Variants in TRIM34 observed in about 807,000 individuals in gnomAD.
TRIM34 encodes the protein tripartite motif containing 34.
A neutral mutation model predicts 38.1 loss-of-function variants in TRIM34; 41 were observed. The ratio of observed to expected loss-of-function variants is 1.08; its 90% confidence interval spans 0.84 to 1.40. TRIM34 has a LOEUF of 1.40. TRIM34 is among the 40% of genes most tolerant of loss of function. The pLI, the probability that TRIM34 is intolerant of heterozygous loss-of-function variation, is 0.00. For synonymous variants in TRIM34, 200 were observed against 202.5 expected, an observed-to-expected ratio of 0.99 and a Z score of 0.10; for missense variants, 556 against 571.4, an observed-to-expected ratio of 0.97 and a Z score of 0.27.
intron 4 of TRIM34, among the ~76,000 whole-genome samples, chr11:5,638,956 G>A (rs771610084): frequency 2.0e-5 from 3 of 152,050 alleles, no homozygotes; most frequent in African/African-American, 7.2e-5. Context: ...ATGCCTTCAC[G>A]TGGGAGTGCA....
chr11:5,637,773 A>G (rs141698365), intron 4 of TRIM34, among the ~76,000 whole-genome samples: 133 of 152,310 alleles, frequency 8.7e-4, no homozygotes, highest in Admixed American at 3.7e-3. Flanking sequence ...CTACTTTGAT[A>G]ACCACTATTC....
chr11:5,639,566 G>C (rs1206629870), intron 4 of TRIM34, among the ~76,000 whole-genome samples: 3 of 150,496 alleles, frequency 2.0e-5, no homozygotes, highest in Non-Finnish European at 4.4e-5. Context: ...TGTAGTCCCA[G>C]GTACTTGGGA....
intron 1 of TRIM34, among the ~76,000 whole-genome samples, chr11:5,629,321 T>G (rs1849380249): frequency 6.6e-6 from 1 of 152,118 alleles, no homozygotes; most frequent in Admixed American, 6.6e-5. Context: ...GGGCCTGTCT[T>G]TATCCAGTAT....
chr11:5,628,916 C>T (rs550340614), intron 1 of TRIM34, among the ~76,000 whole-genome samples: 21 of 152,066 alleles, frequency 1.4e-4, no homozygotes, highest in African/African-American at 5.1e-4. Flanking sequence ...TGTGCTATTC[C>T]CATCTCTGCC....
Position 5,642,520 on chromosome 11 carries a change from G to A in TRIM34, c.874+14G>A. 6.2e-7 allele frequency: 1 copy of A among 1,612,822 alleles called. No individual in the cohort carries two copies. Among genetic ancestry groups the A allele is most frequent in the East Asian group, 2.2e-5 (1 of 44,858 alleles). On this transcript the variant is annotated intron_variant, in intron 6 of 7. Coordinates refer to ENST00000429814, the MANE Select transcript of TRIM34 (RefSeq NM_021616.6). Reference sequence around the variant, plus strand: ...AAATGTTTAGAGGTGAGGAGAAGCAGACAAAGACTGTGGATGTGGGATTGT... The same window carrying A: ...AAATGTTTAGAGGTGAGGAGAAGCAAACAAAGACTGTGGATGTGGGATTGT...
chr11:5,638,152 T>G (rs2133944652), intron 4 of TRIM34, among the ~76,000 whole-genome samples: 1 of 152,354 alleles, frequency 6.6e-6, no homozygotes, highest in East Asian at 1.9e-4. Context: ...TGAATGCTTG[T>G]GGGTGACAAA....
rs557028749 is a variant in TRIM34, at chr11:5,634,203, C to G, written c.519+304C>G. On this transcript the variant is annotated intron_variant, in intron 3 of 7. Coordinates refer to ENST00000429814, the MANE Select transcript of TRIM34 (RefSeq NM_021616.6). ...CTGGTGGAAGACACTACATAAAGGA[C>G]TATGGTTTTCCTCAAGATTCAAATT... Among the ~76,000 whole-genome samples the G allele has an allele frequency of 2.9e-4, 44 of 152,098 alleles. No individual in the cohort carries two copies. In the South Asian group the frequency reaches 8.9e-3, roughly 31 times the overall value.
In TRIM34 at chr11:5,642,034, C is replaced by T. The variant is rs149139528; in HGVS notation, c.774-372C>T. Among the ~76,000 whole-genome samples the T allele has an allele frequency of 3.4e-4, 52 of 152,272 alleles. 1 individual carries two copies. Among genetic ancestry groups the T allele is most frequent in the African/African-American group, 1.2e-3 (51 of 41,552 alleles). ...TCTCTGGCCCCTCCCAGAAGGCCCA[C>T]TGAGATGCAGTGAGTTTTCCACATA... On this transcript the variant is annotated intron_variant, in intron 5 of 7. Transcript: ENST00000429814.
At chr11:5,623,157 A>G (rs938069333), upstream of TRIM34, among the ~76,000 whole-genome samples, 6 of 144,702 alleles carry the variant, frequency 4.1e-5, no homozygotes, top group African/African-American at 1.6e-4. Flanking sequence ...TTGGAATAGA[A>G]TGGGAGCCAG....
At chr11:5,634,516 CACACACACACACACATAT>C in intron 3 of TRIM34, 97 bp from the exon 4 acceptor site, 3 of 574,352 alleles carry the variant, frequency 5.2e-6, no homozygotes, top group Non-Finnish European at 8.0e-6. Flanking sequence ...CACACACACA[CACACACACACACACATAT>C]ATATATATAT....
intron 7 of TRIM34, 117 bp from the exon 8 acceptor site, chr11:5,643,027 A>AAT: frequency 7.7e-7 from 1 of 1,292,444 alleles, no homozygotes. Context: ...TCACTTCCCA[A>AAT]GTTCGTTCAT....
chr11:5,637,259 A>G (rs552105070), intron 4 of TRIM34, among the ~76,000 whole-genome samples: 3 of 152,262 alleles, frequency 2.0e-5, no homozygotes, highest in African/African-American at 7.2e-5. Context: ...CTTTCTTTCT[A>G]TATGGATTCT....
intron 4 of TRIM34, among the ~76,000 whole-genome samples, chr11:5,639,791 G>T (rs7103172): frequency 0.33 from 49,473 of 150,414 alleles, 9,063 homozygotes; most frequent in East Asian, 0.62. Context: ...TAAAAAGAGA[G>T]AGATTTACTA....
intron 1 of TRIM34, among the ~76,000 whole-genome samples, chr11:5,629,186 A>G (rs753158458): frequency 3.9e-5 from 6 of 152,144 alleles, no homozygotes; most frequent in Non-Finnish European, 8.8e-5. Context: ...CTGAGGCAGG[A>G]GAATCGCTTG....
chr11:5,621,206 T>G (rs146296875), upstream of TRIM34, among the ~76,000 whole-genome samples: 14 of 152,336 alleles, frequency 9.2e-5, no homozygotes, highest in African/African-American at 2.6e-4. Context: ...TGCACTCTCT[T>G]AAATTCCAGG....
At position 5,632,455 on chromosome 11, in the gene TRIM34, A is replaced by G. The variant is rs772434962; in HGVS notation, c.124A>G (p.Ser42Gly). The part of the protein sequence containing the change: ...HSLCRACITV[S>G]NKEAVTSMGG... ...CCTCTGCCGAGCCTGCATCACTGTGAGCAACAAGGAGGCAGTGACCAGCAT... is the reference window on the plus strand; with the variant it reads ...CCTCTGCCGAGCCTGCATCACTGTGGGCAACAAGGAGGCAGTGACCAGCAT... Residue 42 changes from serine to glycine, a missense_variant, in exon 2 of 8, where the codon AGC becomes GGC. Ser to Gly is a moderately conservative substitution (Grantham distance 56, BLOSUM62 0). Coordinates refer to ENST00000429814, the MANE Select transcript of TRIM34 (RefSeq NM_021616.6). 1 of 1,613,900 alleles carries G rather than the reference A, an allele frequency of 6.2e-7. No individual in the cohort carries two copies. The highest frequency in any genetic ancestry group is 8.5e-7 in the Non-Finnish European group (1 of 1,180,006).
In TRIM34 at chr11:5,632,707, C is replaced by T. The variant is rs373997158; in HGVS notation, c.376C>T (p.Arg126Cys). 17 of 1,611,838 alleles carry T rather than the reference C, an allele frequency of 1.1e-5. No homozygotes were observed. Among genetic ancestry groups the T allele is most frequent in the Middle Eastern group, 1.6e-4 (1 of 6,084 alleles). ...CWLCERSQEH[R>C]GHHTVLTEEV... is the part of the protein sequence containing the mutation. ...GCTTTGTGAGCGGTCTCAGGAGCAC[C>T]GTGGTCACCACACAGTCCTCACGGA... Residue 126 changes from arginine to cysteine, a missense_variant, in exon 2 of 8, where the codon CGT (arginine) becomes TGT (cysteine). By Grantham distance (180) the Arg-to-Cys change is radical. Coordinates refer to ENST00000429814, the MANE Select transcript of TRIM34 (RefSeq NM_021616.6).
At chr11:5,630,690 T>C (rs1414651015) in intron 1 of TRIM34, among the ~76,000 whole-genome samples, 1 of 152,232 alleles carries the variant, frequency 6.6e-6, no homozygotes, top group African/African-American at 2.4e-5. Flanking sequence ...GCAAGATATC[T>C]TGGATAGTTC....
intron 1 of TRIM34, among the ~76,000 whole-genome samples, chr11:5,625,643 C>G (rs1849181811): frequency 6.6e-6 from 1 of 152,174 alleles, no homozygotes; most frequent in Non-Finnish European, 1.5e-5. Context: ...CTTGGCCTCC[C>G]TGACAATAGC....
Sources: allele counts gnomAD v4.1 joint callset (sites outside exome capture counted in the v4.1 genomes callset), GRCh38; gene constraint gnomAD v4.1.1; transcripts MANE v1.5; gene names NCBI Gene and HGNC (gene_info 2026-07-23, HGNC 2026-07-21).